Variants in PRKD1 observed in about 807,000 individuals in gnomAD.
PRKD1 encodes serine/threonine-protein kinase D1.
A neutral mutation model predicts 95.9 loss-of-function variants in PRKD1; 63 were observed. The observed-to-expected ratio is 0.66, with a 90% CI of 0.54 to 0.81. The LOEUF is 0.81. Among genes scored for constraint, PRKD1 ranks in the 30% least tolerant of loss-of-function variants. PRKD1 has a pLI of 0.00. For missense variants in PRKD1, 1,048 were observed against 1,165.3 expected, an observed-to-expected ratio of 0.90 and a Z score of 1.47; for synonymous variants, 425 against 423.1, an observed-to-expected ratio of 1.00 and a Z score of -0.05.
chr14:29,592,253 C>T (rs188183438), intron 16 of PRKD1, among the ~76,000 whole-genome samples: 2 of 151,694 alleles, frequency 1.3e-5, no homozygotes, highest in East Asian at 2.0e-4. Context: ...ACATACAACA[C>T]TGCCTTAGGA....
At chr14:29,744,453 C>T (rs1288764759) in intron 1 of PRKD1, among the ~76,000 whole-genome samples, 1 of 152,168 alleles carries the variant, frequency 6.6e-6, no homozygotes, top group East Asian at 1.9e-4. Context: ...CAAGCCACAA[C>T]CTCTCCAAAA....
At chr14:29,691,064 C>T (rs535714877) in intron 2 of PRKD1, among the ~76,000 whole-genome samples, 4 of 152,286 alleles carry the variant, frequency 2.6e-5, no homozygotes, top group East Asian at 3.9e-4. Flanking sequence ...ATCAAGTACA[C>T]GGTCAATACA....
chr14:29,904,797 A>G (rs556856058), intron 1 of PRKD1, among the ~76,000 whole-genome samples: 1 of 152,292 alleles, frequency 6.6e-6, no homozygotes, highest in Admixed American at 6.5e-5. Context: ...TAAAACCTGA[A>G]AACAACTTAA....
intron 1 of PRKD1, among the ~76,000 whole-genome samples, chr14:29,814,904 TACACAG>T (rs1890631202): frequency 1.3e-5 from 2 of 152,228 alleles, no homozygotes; most frequent in Non-Finnish European, 2.9e-5. Flanking sequence ...TATCACCATA[TACACAG>T]TGTAAAGGAT....
intron 4 of PRKD1, among the ~76,000 whole-genome samples, chr14:29,655,105 G>A (rs978881434): frequency 6.6e-6 from 1 of 152,192 alleles, no homozygotes; most frequent in African/African-American, 2.4e-5. Flanking sequence ...AGAAGGAAGT[G>A]AAAAATGTTT....
intron 1 of PRKD1, among the ~76,000 whole-genome samples, chr14:29,803,888 C>T (rs1369244862): frequency 7.2e-5 from 11 of 152,138 alleles, no homozygotes; most frequent in Non-Finnish European, 1.5e-4. Flanking sequence ...TTCTTGCTAT[C>T]CTGTAACCAC....
chr14:29,773,111 A>G (rs1888581890), intron 1 of PRKD1, among the ~76,000 whole-genome samples: 1 of 152,190 alleles, frequency 6.6e-6, no homozygotes, highest in Non-Finnish European at 1.5e-5. Context: ...ACTTTTTGAT[A>G]AATCCTTCTC....
intron 1 of PRKD1, among the ~76,000 whole-genome samples, chr14:29,803,355 G>A (rs1026134481): frequency 7.2e-5 from 11 of 152,142 alleles, no homozygotes; most frequent in Non-Finnish European, 1.2e-4. Flanking sequence ...GACCATTTTG[G>A]GGAATTTTAA....
rs186185171 is a variant in PRKD1, at chr14:29,813,384, C to T, written c.265-87710G>A. The stretch of plus-strand genomic sequence containing the variant: ...TAAATTTTATATACAAAAGACAAAA[C>T]ATCTTGCCCATCAGATGGTGAAACA... On this transcript the variant is annotated intron_variant, in intron 1 of 17. Transcript: ENST00000331968. Among the ~76,000 whole-genome samples, 3 of 152,250 alleles carry T rather than the reference C, an allele frequency of 2.0e-5. No homozygotes were observed. The East Asian group carries it at 5.8e-4, about 29-fold the overall frequency.
chr14:29,639,698 G>T (rs908963212), intron 4 of PRKD1, among the ~76,000 whole-genome samples: 16 of 151,870 alleles, frequency 1.1e-4, no homozygotes, highest in Admixed American at 3.9e-4. Flanking sequence ...AGTTCCTTTG[G>T]ATTACCTAAA....
chr14:29,634,372 A>G, intron 8 of PRKD1, 46 bp downstream of exon 8: 1 of 1,613,198 alleles, frequency 6.2e-7, no homozygotes, highest in South Asian at 1.1e-5. Context: ...AACTCCTCTA[A>G]TTAAAGCTAG....
chr14:29,656,217 C>A (rs1881827094), intron 4 of PRKD1, among the ~76,000 whole-genome samples: 1 of 152,132 alleles, frequency 6.6e-6, no homozygotes, highest in Admixed American at 6.5e-5. Flanking sequence ...CAAAATCTGA[C>A]CTGAAAAACC....
Position 29,746,782 on chromosome 14 carries a change from T to A in PRKD1, c.265-21108A>T, listed in dbSNP as rs552255648. On this transcript the variant is annotated intron_variant, in intron 1 of 17. Coordinates refer to ENST00000331968, the MANE Select transcript of PRKD1 (RefSeq NM_002742.3). ...TTCAGAACCTACTAAAAGCAGCCTA[T>A]TTTGATACCAACATTAGAATATAAC... Among the ~76,000 whole-genome samples the A allele has an allele frequency of 3.9e-5, 6 of 152,332 alleles. No homozygotes were observed. The East Asian group carries it at 1.2e-3, about 29-fold the overall frequency.
intron 1 of PRKD1, among the ~76,000 whole-genome samples, chr14:29,843,537 T>C (rs181805734): frequency 2.0e-5 from 3 of 152,336 alleles, no homozygotes; most frequent in Non-Finnish European, 4.4e-5. Flanking sequence ...ACAGAGTCTC[T>C]AAAACCACCA....
Position 29,600,416 on chromosome 14 carries a change from C to T in PRKD1, c.1906-599G>A, listed in dbSNP as rs547008572. On this transcript the variant is annotated intron_variant, in intron 13 of 17. Transcript: ENST00000331968. ...ATCCTACCTGCTTGGTTTTCAAGCA[C>T]GCAATAAATATAGCTAATCCTTGAG... 5.9e-5 allele frequency among the ~76,000 whole-genome samples: 9 copies of T among 152,240 alleles called. No homozygotes were observed. In the South Asian group the frequency reaches 6.2e-4, roughly 11 times the overall value.
At chr14:29,915,571 T>C (rs1277313343) in intron 1 of PRKD1, among the ~76,000 whole-genome samples, 1 of 151,902 alleles carries the variant, frequency 6.6e-6, no homozygotes, top group African/African-American at 2.4e-5. Flanking sequence ...GGGTGGGAAG[T>C]GGGGGGGAAT....
At chr14:29,820,437 A>G (rs2139268162) in intron 1 of PRKD1, among the ~76,000 whole-genome samples, 1 of 152,350 alleles carries the variant, frequency 6.6e-6, no homozygotes. Context: ...GATGAGACCA[A>G]ACATTTTTAA....
intron 1 of PRKD1, among the ~76,000 whole-genome samples, chr14:29,907,457 T>C (rs1320364589): frequency 1.3e-5 from 2 of 152,172 alleles, no homozygotes; most frequent in South Asian, 4.1e-4. Context: ...AATCATTCAG[T>C]GCCAGGCACT....
intron 2 of PRKD1, among the ~76,000 whole-genome samples, chr14:29,677,574 T>A (rs1883303881): frequency 6.6e-6 from 1 of 152,194 alleles, no homozygotes; most frequent in Non-Finnish European, 1.5e-5. Context: ...TCCTGTTTTT[T>A]GTTGTTGTTT....
Sources: gnomAD v4.1 joint callset for allele counts (sites outside exome capture counted in the v4.1 genomes callset) on GRCh38, gnomAD v4.1.1 for gene constraint, MANE v1.5 for transcripts, NCBI Gene and HGNC (gene_info 2026-07-23, HGNC 2026-07-21) for gene names.